CSGALNACT1: variants seen among roughly 807,000 people sequenced by gnomAD.
The protein encoded by CSGALNACT1 is beta4GalNAcT-1.
Under a neutral mutation model 51.0 loss-of-function variants are expected in CSGALNACT1, and 52 were observed. The ratio of observed to expected loss-of-function variants is 1.02; its 90% CI spans 0.82 to 1.29. The LOEUF (loss-of-function observed/expected upper bound fraction) is 1.29. Among genes scored for constraint, CSGALNACT1 ranks in the 50% most tolerant of loss-of-function variants. The pLI is 0.00. For missense variants in CSGALNACT1, 935 were observed against 679.2 expected (o/e 1.38, Z -4.19); for synonymous variants, 341 against 254.4 (o/e 1.34, Z -3.24).
intron 3 of CSGALNACT1, among the ~76,000 whole-genome samples, chr8:19,522,448 C>G (rs1188868047): frequency 1.3e-5 from 2 of 152,172 alleles, no homozygotes; most frequent in African/African-American, 2.4e-5. Context: ...TTGAAAAACT[C>G]TCTCTAAAAT....
chr8:19,511,294 G>C (rs545455925), intron 3 of CSGALNACT1, among the ~76,000 whole-genome samples: 1 of 152,360 alleles, frequency 6.6e-6, no homozygotes, highest in Middle Eastern at 3.4e-3. Flanking sequence ...ATGGGGTCAG[G>C]AAGTGGTAGA....
chr8:19,512,604 T>C (rs559298691), intron 3 of CSGALNACT1, among the ~76,000 whole-genome samples: 1 of 152,318 alleles, frequency 6.6e-6, no homozygotes, highest in East Asian at 1.9e-4. Flanking sequence ...GCAATAATCT[T>C]GTGCCATCAG....
At chr8:19,588,204 T>C (rs4565470) in intron 3 of CSGALNACT1, among the ~76,000 whole-genome samples, 34,997 of 150,886 alleles carry the variant, frequency 0.23, 6,992 homozygotes, top group African/African-American at 0.55. Flanking sequence ...CCCCATCCCC[T>C]CAGCAAAAAA....
intron 5 of CSGALNACT1, among the ~76,000 whole-genome samples, chr8:19,448,625 A>T (rs941148018): frequency 6.6e-6 from 1 of 152,124 alleles, no homozygotes; most frequent in Non-Finnish European, 1.5e-5. Context: ...GGGACTGAGG[A>T]GGAGGGGGAT....
chr8:19,549,393 A>C (rs1191279058), intron 3 of CSGALNACT1, among the ~76,000 whole-genome samples: 1 of 151,976 alleles, frequency 6.6e-6, no homozygotes, highest in African/African-American at 2.4e-5. Context: ...TCAATTTTTC[A>C]TTTGGTTGAT....
At position 19,436,347 on chromosome 8, in the gene CSGALNACT1, T is replaced by G. The variant is rs545736482; in HGVS notation, c.953+3483A>C. On this transcript the variant is annotated intron_variant, in intron 6 of 9. Coordinates refer to ENST00000454498, the Ensembl canonical transcript of CSGALNACT1. ...GGTGGTGGTATGCTAACACTGTGAGTCTAGACCTTAACAGGAGGCTCTGAT... is the reference window on the plus strand; with the variant it reads ...GGTGGTGGTATGCTAACACTGTGAGGCTAGACCTTAACAGGAGGCTCTGAT... Among the ~76,000 whole-genome samples, 4 of 152,168 alleles carry G rather than the reference T, an allele frequency of 2.6e-5. No individual in the cohort carries two copies. In the East Asian group the frequency reaches 5.8e-4, roughly 22 times the overall value.
chr8:19,606,117 A>G (rs957062927), upstream of CSGALNACT1, among the ~76,000 whole-genome samples: 1 of 152,208 alleles, frequency 6.6e-6, no homozygotes, highest in Non-Finnish European at 1.5e-5. Flanking sequence ...CAAAATGTGA[A>G]AAATAAAAAG....
At chr8:19,527,786 G>A (rs975362893) in intron 3 of CSGALNACT1, among the ~76,000 whole-genome samples, 1 of 152,134 alleles carries the variant, frequency 6.6e-6, no homozygotes, top group South Asian at 2.1e-4. Context: ...TTGGGGAGGA[G>A]ATTATGAGTG....
intron 7 of CSGALNACT1, 149 bp from the exon 7 acceptor site, chr8:19,418,899 T>C (rs955161821): frequency 7.2e-6 from 5 of 696,164 alleles, no homozygotes; most frequent in Non-Finnish European, 1.3e-5. Flanking sequence ...CAGGCTGCAA[T>C]AGAGTGGCAC....
At position 19,597,293 on chromosome 8, in the gene CSGALNACT1, T is replaced by C. The variant is rs1034506199; in HGVS notation, c.-416+4478A>G. Among the ~76,000 whole-genome samples, 618 of 126,222 alleles carry C rather than the reference T, an allele frequency of 4.9e-3. 7 individuals are homozygous for C. The highest frequency in any genetic ancestry group is 0.018 in the African/African-American group (579 of 31,520). 82.8% of individuals were successfully genotyped at this position (126,222 alleles called of 152,430 possible). A position where few individuals can be genotyped will look rare whatever the true frequency, so the allele number is the denominator to read the frequency against. On this transcript the variant is annotated intron_variant, in intron 2 of 9. Coordinates refer to ENST00000454498, the Ensembl canonical transcript of CSGALNACT1. ...CTGCCTCTATCTTCTTTCTTTTTTT[T>C]TTTTTTTTTTTTTTTTTTTGGAGAG...
intron 3 of CSGALNACT1, among the ~76,000 whole-genome samples, chr8:19,577,149 G>A (rs936377824): frequency 2.1e-4 from 32 of 152,186 alleles, no homozygotes; most frequent in African/African-American, 7.7e-4. Flanking sequence ...TGACAAACCA[G>A]TGCCCCTTCT....
intron 3 of CSGALNACT1, among the ~76,000 whole-genome samples, chr8:19,574,813 C>T (rs539153812): frequency 6.6e-5 from 10 of 152,228 alleles, no homozygotes; most frequent in African/African-American, 1.4e-4. Flanking sequence ...GGGCAGATCA[C>T]GAGGTCTCCT....
At chr8:19,613,363 A>T in intron 1 of CSGALNACT1, among the ~76,000 whole-genome samples, 1 of 152,204 alleles carries the variant, frequency 6.6e-6, no homozygotes, top group Non-Finnish European at 1.5e-5. Flanking sequence ...TCCCTTTCCT[A>T]CATCAAACCA....
At chr8:19,737,705 T>C (rs538968132) in intron 1 of CSGALNACT1, among the ~76,000 whole-genome samples, 30 of 152,256 alleles carry the variant, frequency 2.0e-4, no homozygotes, top group Admixed American at 5.2e-4. Context: ...TCACAATAAA[T>C]GTAAATGTAC....
intron 3 of CSGALNACT1, among the ~76,000 whole-genome samples, chr8:19,518,259 GA>G (rs2079945731): frequency 6.6e-6 from 1 of 152,158 alleles, no homozygotes; most frequent in Non-Finnish European, 1.5e-5. Context: ...AGAGCAGCCT[GA>G]AAAGTGGAGC....
chr8:19,405,723 C>G (rs2053998759), exon 10 of CSGALNACT1: 1 of 1,608,328 alleles, frequency 6.2e-7, no homozygotes, highest in East Asian at 2.2e-5. Context: ...GTTGCAGCCA[C>G]TTTCAGTAAT....
At chr8:19,613,569 G>T (rs575760467) in intron 1 of CSGALNACT1, among the ~76,000 whole-genome samples, 1 of 152,114 alleles carries the variant, frequency 6.6e-6, no homozygotes, top group African/African-American at 2.4e-5. Flanking sequence ...CTTTCAGCTC[G>T]TTGTTTCCAC....
At chr8:19,707,577 T>C (rs912996583) in intron 1 of CSGALNACT1, among the ~76,000 whole-genome samples, 1 of 152,162 alleles carries the variant, frequency 6.6e-6, no homozygotes, top group East Asian at 1.9e-4. Context: ...CTGACACAAA[T>C]TGAGATTGTC....
intron 1 of CSGALNACT1, among the ~76,000 whole-genome samples, chr8:19,670,852 C>T (rs1164564705): frequency 6.6e-6 from 1 of 152,064 alleles, no homozygotes; most frequent in Non-Finnish European, 1.5e-5. Flanking sequence ...TGGTTAATGT[C>T]CATTGTAAAT....
Sources: allele counts gnomAD v4.1 joint callset (sites outside exome capture counted in the v4.1 genomes callset), GRCh38; gene constraint gnomAD v4.1.1; transcripts MANE v1.5; gene names NCBI Gene and HGNC (gene_info 2026-07-23, HGNC 2026-07-21).